The following TNK2 variants were observed in gnomAD, a reference collection of about 807,000 sequenced individuals.
TNK2 encodes the protein activated CDC42 kinase 1.
A neutral mutation model predicts 101.8 loss-of-function variants in TNK2; 83 were observed. That is an observed-to-expected ratio of 0.82 (90% confidence interval 0.68 to 0.98). The LOEUF (loss-of-function observed/expected upper bound fraction) is 0.98. Among genes scored for constraint, TNK2 ranks in the 50% least tolerant of loss-of-function variants. TNK2 has a pLI of 0.00. For missense variants in TNK2, 1,665 were observed against 1,483.2 expected (o/e 1.12, Z -2.01); for synonymous variants, 804 against 633.0 (o/e 1.27, Z -4.06).
At chr3:195,871,188 A>C (rs1745047037) in intron 10 of TNK2, among the ~76,000 whole-genome samples, 4 of 145,998 alleles carry the variant, frequency 2.7e-5, no homozygotes, top group South Asian at 2.4e-4. Flanking sequence ...GCCTGGCGCA[A>C]GAAGCTTCGG....
intron 9 of TNK2, among the ~76,000 whole-genome samples, chr3:195,875,150 A>C (rs111776599): frequency 1.6e-3 from 4 of 2,460 alleles, no homozygotes; most frequent in Non-Finnish European, 1.2e-3. Flanking sequence ...CCGAGGCACA[A>C]GAAGCTCCCC....
chr3:195,878,933 C>G lies in TNK2; in HGVS notation c.1014+116G>C, dbSNP rs987618649. 5 of 1,491,742 alleles carry G rather than the reference C, an allele frequency of 3.4e-6. No homozygotes were observed. The highest frequency in any genetic ancestry group is 4.5e-6 in the Non-Finnish European group (5 of 1,104,596). The allele number at this position is 1,491,742 out of a possible 1,614,324, so 92.4% of individuals were successfully genotyped here. On this transcript the variant is annotated intron_variant, in intron 7 of 15. Transcript: ENST00000672887. The surrounding 1 kb of genome is among the most constrained non-coding windows in gnomAD (Gnocchi z 4.7). ...GAGGCACGGGAAGTGGGGGGAGGCA[C>G]GGGGCGTGGGAGGAGGGAGTCCATT...
intron 11 of TNK2, chr3:195,869,893 G>A (rs960621642): frequency 1.8e-6 from 1 of 562,112 alleles, no homozygotes; most frequent in Admixed American, 3.2e-5. Flanking sequence ...GGGCGGACGG[G>A]CCTGCTGCAG....
At chr3:195,881,434 C>T (rs1560512368) in intron 6 of TNK2, among the ~76,000 whole-genome samples, 1 of 94,938 alleles carries the variant, frequency 1.1e-5, no homozygotes, top group Non-Finnish European at 2.1e-5. Flanking sequence ...CTGTAACACC[C>T]GCCCCCAGCG....
rs752219628 is a variant in TNK2, at chr3:195,884,958, C to T, written c.310G>A (p.Ala104Thr). 3.3e-5 allele frequency: 54 copies of T among 1,613,638 alleles called. No individual in the cohort carries two copies. In the East Asian group the frequency reaches 9.4e-4, roughly 28 times the overall value. Residue 104 changes from alanine (A) to threonine (T), a missense_variant, in exon 4 of 16, where the codon GCC (alanine) becomes ACC (threonine). Transcript: ENST00000672887. ...SQSTFRKTSP[A>T]PGGPAGEGPL... ...CCCTCCCCTGCTGGGCCCCCAGGGGCGGGCGAGGTCTTCCGGAAGGTGCTC... is the reference window on the plus strand; with the variant it reads ...CCCTCCCCTGCTGGGCCCCCAGGGGTGGGCGAGGTCTTCCGGAAGGTGCTC...
At chr3:195,869,167 C>T in intron 12 of TNK2, 1 of 551,680 alleles carries the variant, frequency 1.8e-6, no homozygotes, top group African/African-American at 1.9e-5. Context: ...CCAACGGCCA[C>T]AAAGCCCAGA....
In TNK2 at chr3:195,864,173, G is replaced by A. The variant is rs1738975041; in HGVS notation, c.*8C>T. 1 of 1,614,018 alleles carries A rather than the reference G, an allele frequency of 6.2e-7. No homozygotes were observed. The highest frequency in any genetic ancestry group is 1.7e-4 in the Middle Eastern group (1 of 6,060). Reference sequence around the variant, plus strand: ...TTCAGGCAGGCCCTCTGGCTCTCCAGACGCATCTCAGCGCCTAGAGAATGG... The same window carrying A: ...TTCAGGCAGGCCCTCTGGCTCTCCAAACGCATCTCAGCGCCTAGAGAATGG... On this transcript the variant is annotated 3_prime_UTR_variant, in exon 16 of 16. Coordinates refer to ENST00000672887, the MANE Select transcript of TNK2 (RefSeq NM_001382273.1).
In TNK2 at chr3:195,867,524, C is replaced by T. The variant is rs773572136; in HGVS notation, c.2774G>A (p.Arg925Gln). Residue 925 changes from arginine to glutamine, a missense_variant, in exon 13 of 16, where the codon CGG becomes CAG. By Grantham distance (43) the Arg-to-Gln change is conservative. Coordinates refer to ENST00000672887, the MANE Select transcript of TNK2 (RefSeq NM_001382273.1). ...GTCCAAGGCAGCCTGGGGCATCGGC[C>T]GCACGGTGGCCGTGGGGGCGGCGGG... ...PAPAAPTATV[R>Q]PMPQAALDPK... 9.1e-6 allele frequency: 14 copies of T among 1,540,146 alleles called. No homozygotes were observed. Among genetic ancestry groups the T allele is most frequent in the East Asian group, 4.6e-5 (2 of 43,270 alleles).
Position 195,867,802 on chromosome 3 carries a change from G to A in TNK2, c.2496C>T (p.Thr832=). 1 of 1,561,144 alleles carries A rather than the reference G, an allele frequency of 6.4e-7. No individual in the cohort carries two copies. The highest frequency in any genetic ancestry group is 1.4e-5 in the African/African-American group (1 of 72,824). Residue 832 remains threonine, a synonymous_variant, in exon 13 of 16, where the codon ACC becomes ACT. Transcript: ENST00000672887. ...LSSSPGKTMP[T]TQSFASDPKY... ...TGGGGTCTGAGGCAAAGCTCTGGGT[G>A]GTGGGCATGGTCTTCCCAGGTGAGC...
At chr3:195,896,993 GC>G (rs1379741944) in intron 1 of TNK2, among the ~76,000 whole-genome samples, 1 of 152,158 alleles carries the variant, frequency 6.6e-6, no homozygotes. Flanking sequence ...AGGAATATAT[GC>G]CAACCCTACC....
intron 1 of TNK2, among the ~76,000 whole-genome samples, chr3:195,892,947 G>GC (rs1425472905): frequency 2.0e-5 from 3 of 151,776 alleles, no homozygotes; most frequent in Non-Finnish European, 2.9e-5. Flanking sequence ...ACCCGCGCTG[G>GC]CCCCCCTGCC....
At chr3:195,866,640 C>G (rs540540663) in intron 15 of TNK2, among the ~76,000 whole-genome samples, 80 of 152,362 alleles carry the variant, frequency 5.3e-4, no homozygotes, top group Non-Finnish European at 1.1e-3. Context: ...GGAAGCAAGC[C>G]TCCTTCAACC....
intron 1 of TNK2, among the ~76,000 whole-genome samples, chr3:195,891,555 T>C (rs1560535141): frequency 6.6e-6 from 1 of 152,098 alleles, no homozygotes; most frequent in Non-Finnish European, 1.5e-5. Flanking sequence ...GTCGTGGCTT[T>C]CCGGAAGCAA....
At chr3:195,873,148 G>T (rs1746606536) in intron 9 of TNK2, among the ~76,000 whole-genome samples, 1 of 152,200 alleles carries the variant, frequency 6.6e-6, no homozygotes, top group Non-Finnish European at 1.5e-5. Flanking sequence ...CTCAGGAGGG[G>T]CTCTACCTGT....
chr3:195,885,660 G>A lies in TNK2; in HGVS notation c.235-627C>T, dbSNP rs564033691. ...GGGAAGACAGCTGGGTCTCTGGAGGGGCGCCTAGAGCTGAGGGCTGAGACG... is the reference window on the plus strand; with the variant it reads ...GGGAAGACAGCTGGGTCTCTGGAGGAGCGCCTAGAGCTGAGGGCTGAGACG... On this transcript the variant is annotated intron_variant, in intron 3 of 15. Coordinates refer to ENST00000672887, the MANE Select transcript of TNK2 (RefSeq NM_001382273.1). The surrounding 1 kb of genome is among the most constrained non-coding windows in gnomAD (Gnocchi z 4.7). 55 of 1,152,880 alleles carry A rather than the reference G, an allele frequency of 4.8e-5. No homozygotes were observed. In the African/African-American group the frequency reaches 8.4e-4, roughly 18 times the overall value. The allele number at this position is 1,152,880 out of a possible 1,614,324, so 71.4% of individuals were successfully genotyped here.
At chr3:195,895,530 T>A in intron 1 of TNK2, 1 of 1,349,174 alleles carries the variant, frequency 7.4e-7, no homozygotes, top group Non-Finnish European at 9.5e-7. Flanking sequence ...CATTCCCTCC[T>A]GCAGCCCGTC....
Position 195,885,179 on chromosome 3 carries a change from G to C in TNK2, c.235-146C>G. The stretch of plus-strand genomic sequence containing the variant: ...GCCAAACTGTCAGTGGGGCAGCCTG[G>C]CTGGAGGCCCACACTCCGTCCAGGG... On this transcript the variant is annotated intron_variant, in intron 3 of 15. Coordinates refer to ENST00000672887, the MANE Select transcript of TNK2 (RefSeq NM_001382273.1). This position sits in a 1 kb window ranked among gnomAD's most constrained non-coding sequence, Gnocchi z 4.7. The C allele has an allele frequency of 9.8e-7, 1 of 1,021,512 alleles. No individual in the cohort carries two copies. The highest frequency in any genetic ancestry group is 1.6e-5 in the African/African-American group (1 of 61,570). 63.3% of individuals were successfully genotyped at this position (1,021,512 alleles called of 1,614,324 possible). A position where few individuals can be genotyped will look rare whatever the true frequency, so the allele number is the denominator to read the frequency against.
rs1346234622 is a variant in TNK2 at position 195,886,837 on chromosome 3, C to T, written c.234+140G>A. On this transcript the variant is annotated intron_variant, in intron 3 of 15. Transcript: ENST00000672887. The surrounding 1 kb of genome is among the most constrained non-coding windows in gnomAD (Gnocchi z 4.2). ...GTGCCCTGCCCGATAAGACCCTGGACGAGGGGGTCCTGTACAAAGTGCCGG... is the reference window on the plus strand; with the variant it reads ...GTGCCCTGCCCGATAAGACCCTGGATGAGGGGGTCCTGTACAAAGTGCCGG... 2 of 891,942 alleles carry T rather than the reference C, an allele frequency of 2.2e-6. No individual in the cohort carries two copies. The highest frequency in any genetic ancestry group is 3.7e-6 in the Non-Finnish European group (2 of 540,620). The allele number at this position is 891,942 out of a possible 1,614,324, so 55.3% of individuals were successfully genotyped here.
At chr3:195,884,773 C>A (rs1289298401) in intron 4 of TNK2, 39 bp downstream of exon 4, 1 of 1,561,088 alleles carries the variant, frequency 6.4e-7, no homozygotes, top group Non-Finnish European at 8.7e-7. Flanking sequence ...GCCCCGGGTC[C>A]CATGCCTCTG....
Sources: gnomAD v4.1 joint callset for allele counts (sites outside exome capture counted in the v4.1 genomes callset) on GRCh38, gnomAD v4.1.1 for gene constraint, Gnocchi (gnomAD v3.1) non-coding constraint, MANE v1.5 for transcripts, NCBI Gene and HGNC (gene_info 2026-07-23, HGNC 2026-07-21) for gene names.